TTLL11: variants seen among roughly 807,000 people sequenced by gnomAD.
TTLL11 encodes the protein tubulin tyrosine ligase like 11, also known as tubulin polyglutamylase TTLL11.
A neutral mutation model predicts 51.7 loss-of-function variants in TTLL11; 42 were observed. The ratio of observed to expected loss-of-function variants is 0.81; its 90% CI spans 0.64 to 1.05. TTLL11 has a LOEUF of 1.05. Ranked by LOEUF, TTLL11 falls within the 50% of genes least tolerant of loss-of-function variation. The pLI, the probability that TTLL11 is intolerant of heterozygous loss-of-function variation, is 0.00. For synonymous variants in TTLL11, 381 were observed against 383.5 expected, an observed-to-expected ratio of 0.99 and a Z score of 0.08; for missense variants, 799 against 940.4, an observed-to-expected ratio of 0.85 and a Z score of 1.97.
intron 6 of TTLL11, 97 bp from the exon 7 acceptor site, chr9:121,870,845 T>C (rs1176213064): frequency 7.4e-7 from 1 of 1,345,316 alleles, no homozygotes; most frequent in Non-Finnish European, 9.9e-7. Flanking sequence ...ATTACCAGCA[T>C]TTTTTATTTT....
intron 1 of TTLL11, among the ~76,000 whole-genome samples, chr9:122,090,343 C>A (rs1339830275): frequency 6.6e-6 from 1 of 151,902 alleles, no homozygotes; most frequent in Admixed American, 6.6e-5. Context: ...AAAACAGGTC[C>A]AAATCCCATC....
chr9:122,071,387 C>T (rs569710536), intron 1 of TTLL11, among the ~76,000 whole-genome samples: 1 of 152,214 alleles, frequency 6.6e-6, no homozygotes, highest in Non-Finnish European at 1.5e-5. Flanking sequence ...GTGAAGAAAG[C>T]TTTCAGCTGC....
rs191557729 is a variant in TTLL11 at position 121,961,252 on chromosome 9, C to A, written c.1481+12757G>T. Among the ~76,000 whole-genome samples, 48 of 152,246 alleles carry A rather than the reference C, an allele frequency of 3.2e-4. No homozygotes were observed. In the East Asian group the frequency reaches 8.7e-3, roughly 28 times the overall value. On this transcript the variant is annotated intron_variant, in intron 6 of 8. Transcript: ENST00000321582. ...TTTTTCCTCAAGAAAAAAAAAGAAA[C>A]CCTTTCAGCTTACACATATTGTTCA... is the stretch of plus-strand genomic sequence containing the variant.
intron 6 of TTLL11, among the ~76,000 whole-genome samples, chr9:121,925,675 C>T (rs1840702065): frequency 1.3e-5 from 2 of 152,206 alleles, no homozygotes. Flanking sequence ...TCCACAGGCT[C>T]CCGCAGCTGT....
chr9:121,930,423 C>G (rs1159250304), intron 6 of TTLL11, among the ~76,000 whole-genome samples: 1 of 152,190 alleles, frequency 6.6e-6, no homozygotes, highest in South Asian at 2.1e-4. Context: ...AGTATAGATA[C>G]AAATTGGTTC....
intron 7 of TTLL11, among the ~76,000 whole-genome samples, chr9:121,862,879 G>A (rs914139601): frequency 3.3e-5 from 5 of 152,168 alleles, no homozygotes; most frequent in South Asian, 2.1e-4. Flanking sequence ...GTTAGGGACC[G>A]GACAGGGGAG....
chr9:121,985,648 C>G (rs572280560), intron 4 of TTLL11, among the ~76,000 whole-genome samples: 1 of 151,560 alleles, frequency 6.6e-6, no homozygotes, highest in Non-Finnish European at 1.5e-5. Context: ...TCCCAAGTAG[C>G]TGGGACTACA....
At chr9:121,929,321 T>G (rs1308243231) in intron 6 of TTLL11, among the ~76,000 whole-genome samples, 4 of 151,620 alleles carry the variant, frequency 2.6e-5, no homozygotes, top group African/African-American at 4.9e-5. Flanking sequence ...ACACCTGTAA[T>G]CCCAGCTACT....
chr9:122,019,073 G>A (rs1844087714), intron 3 of TTLL11, among the ~76,000 whole-genome samples: 1 of 152,176 alleles, frequency 6.6e-6, no homozygotes, highest in Non-Finnish European at 1.5e-5. Flanking sequence ...AAAGCACCAA[G>A]TCTGCCTTCT....
chr9:121,957,020 C>G (rs7863084), intron 6 of TTLL11, among the ~76,000 whole-genome samples: 11,707 of 152,148 alleles, frequency 0.077, 675 homozygotes, highest in African/African-American at 0.16. Flanking sequence ...TGACTCAAAC[C>G]AGAATCTGAT....
At chr9:121,975,957 G>A (rs1842698891) in intron 4 of TTLL11, among the ~76,000 whole-genome samples, 1 of 152,124 alleles carries the variant, frequency 6.6e-6, no homozygotes. Context: ...GGGATTATGT[G>A]CTCCACTTTA....
chr9:121,931,023 C>A (rs1412874190), intron 6 of TTLL11, among the ~76,000 whole-genome samples: 1 of 152,200 alleles, frequency 6.6e-6, no homozygotes, highest in East Asian at 1.9e-4. Flanking sequence ...GCTTGGAATC[C>A]ATTTAATTAC....
At chr9:122,027,287 G>A (rs1053853413) in intron 3 of TTLL11, among the ~76,000 whole-genome samples, 2 of 152,110 alleles carry the variant, frequency 1.3e-5, no homozygotes, top group African/African-American at 4.8e-5. Flanking sequence ...CTCCAACACA[G>A]GGGAATTACA....
intron 4 of TTLL11, among the ~76,000 whole-genome samples, chr9:121,977,056 G>A (rs1015751583): frequency 6.6e-6 from 1 of 152,124 alleles, no homozygotes; most frequent in Non-Finnish European, 1.5e-5. Flanking sequence ...TCAGCCTGGT[G>A]GACTCTTCCC....
chr9:122,039,219 T>A, intron 2 of TTLL11, 53 bp downstream of exon 2: 1 of 1,446,912 alleles, frequency 6.9e-7, no homozygotes, highest in African/African-American at 1.4e-5. Context: ...GAAGAGTGTA[T>A]CTGAGACTTG....
intron 8 of TTLL11, among the ~76,000 whole-genome samples, chr9:121,837,981 T>C (rs1431543040): frequency 6.6e-6 from 1 of 152,130 alleles, no homozygotes; most frequent in Non-Finnish European, 1.5e-5. Context: ...TGCTTTTCCT[T>C]GCTGTGGGCC....
intron 3 of TTLL11, among the ~76,000 whole-genome samples, chr9:122,025,909 G>A (rs1395816091): frequency 1.3e-5 from 2 of 152,136 alleles, no homozygotes; most frequent in Non-Finnish European, 2.9e-5. Context: ...AGCAGGTGAA[G>A]GTCTAAGCAA....
rs969944199 is a variant in TTLL11, at chr9:121,995,304, C to A, written c.694-5534G>T. On this transcript the variant is annotated intron_variant, in intron 3 of 8. Coordinates refer to ENST00000321582, the MANE Select transcript of TTLL11 (RefSeq NM_001139442.2). This position sits in a 1 kb window ranked among gnomAD's most constrained non-coding sequence, Gnocchi z 4.4. ...AGGCGAAGGATGGAGTTTCAACTGG[C>A]GAGGGACATGCATCCACGCATCACC... 7.9e-5 allele frequency among the ~76,000 whole-genome samples: 12 copies of A among 152,154 alleles called. No homozygotes were observed. In the South Asian group the frequency reaches 2.5e-3, roughly 32 times the overall value.
At chr9:122,081,171 C>A (rs1484854688) in intron 1 of TTLL11, among the ~76,000 whole-genome samples, 1 of 152,218 alleles carries the variant, frequency 6.6e-6, no homozygotes, top group Non-Finnish European at 1.5e-5. Flanking sequence ...TATGTAAACA[C>A]TAACTGTGAT....
Sources: allele counts gnomAD v4.1 joint callset (sites outside exome capture counted in the v4.1 genomes callset), GRCh38; gene constraint gnomAD v4.1.1; non-coding constraint Gnocchi (gnomAD v3.1); transcripts MANE v1.5; gene names NCBI Gene and HGNC (gene_info 2026-07-23, HGNC 2026-07-21).